The following HAUS6 variants were observed in gnomAD, a reference collection of about 807,000 sequenced individuals.
HAUS6 encodes the protein HAUS augmin-like complex subunit 6.
Under a neutral mutation model 106.8 loss-of-function variants are expected in HAUS6, and 80 were observed. The observed-to-expected ratio is 0.75, with a 90% CI of 0.63 to 0.90. The LOEUF is 0.90. Ranked by LOEUF, HAUS6 falls within the 40% of genes least tolerant of loss-of-function variation. HAUS6 has a pLI of 0.00. For synonymous variants in HAUS6, 356 were observed against 379.1 expected (o/e 0.94, Z 0.71); for missense variants, 1,155 against 1,118.1 (o/e 1.03, Z -0.47).
chr9:19,085,984 T>C (rs1009345300), intron 7 of HAUS6, among the ~76,000 whole-genome samples: 5 of 146,684 alleles, frequency 3.4e-5, no homozygotes, highest in African/African-American at 1.3e-4. Flanking sequence ...ATACAACCTA[T>C]GAGTTTTAAA....
intron 2 of HAUS6, among the ~76,000 whole-genome samples, chr9:19,094,733 G>C (rs1384074365): frequency 6.6e-6 from 1 of 152,100 alleles, no homozygotes; most frequent in Non-Finnish European, 1.5e-5. Context: ...GGAGTCTGCA[G>C]TGAGCCAAGA....
At chr9:19,083,550 C>A (rs1481120916) in intron 7 of HAUS6, among the ~76,000 whole-genome samples, 2 of 152,008 alleles carry the variant, frequency 1.3e-5, no homozygotes, top group Non-Finnish European at 2.9e-5. Flanking sequence ...CGTCTGTAAT[C>A]CCAGCCCTTT....
intron 12 of HAUS6, among the ~76,000 whole-genome samples, chr9:19,068,803 A>G (rs1836822893): frequency 6.6e-6 from 1 of 152,050 alleles, no homozygotes; most frequent in Non-Finnish European, 1.5e-5. Context: ...ATGTTCCCCA[A>G]TCGGATTACA....
At position 19,087,147 on chromosome 9, in the gene HAUS6, A is replaced by C; in HGVS notation, c.594T>G (p.Val198=). 6.7e-7 allele frequency: 1 copy of C among 1,500,312 alleles called. No homozygotes were observed. The highest frequency in any genetic ancestry group is 9.3e-7 in the Non-Finnish European group (1 of 1,076,970). The allele number at this position is 1,500,312 out of a possible 1,614,324, so 92.9% of individuals were successfully genotyped here. ...CAGATCTCAAGTTTCGTACCTGCTT[A>C]ACTGATAATCTGCAAGAAAACATAC... is the stretch of plus-strand genomic sequence containing the variant. ...QKYQENAQLS[V]KQVRNLRSEC... is the part of the protein sequence containing the mutation. The change falls in exon 6 of 17, where the codon GTT becomes GTG. Residue 198 remains valine, a synonymous_variant. Transcript: ENST00000380502.
chr9:19,082,663 T>C (rs1837183117), intron 8 of HAUS6, among the ~76,000 whole-genome samples: 2 of 152,080 alleles, frequency 1.3e-5, no homozygotes, highest in African/African-American at 4.8e-5. Flanking sequence ...GGAGAATCTC[T>C]TGAACCTGGG....
intron 12 of HAUS6, among the ~76,000 whole-genome samples, chr9:19,064,082 C>T (rs1419342503): frequency 1.3e-5 from 2 of 151,926 alleles, no homozygotes; most frequent in African/African-American, 4.8e-5. Flanking sequence ...ATTCTCCTGC[C>T]TCAGCCTCCT....
At chr9:19,089,839 G>T (rs561180478) in intron 4 of HAUS6, among the ~76,000 whole-genome samples, 3 of 152,058 alleles carry the variant, frequency 2.0e-5, no homozygotes, top group South Asian at 2.1e-4. Context: ...TGGTATTTTG[G>T]GTTGTTTTTT....
chr9:19,088,152 C>G (rs1348797774), intron 5 of HAUS6, among the ~76,000 whole-genome samples: 1 of 152,188 alleles, frequency 6.6e-6, no homozygotes, highest in East Asian at 1.9e-4. Context: ...CAGTGGCTCA[C>G]GCCTATAATC....
At chr9:19,100,694 A>G (rs1817969074) in intron 1 of HAUS6, among the ~76,000 whole-genome samples, 1 of 152,236 alleles carries the variant, frequency 6.6e-6, no homozygotes, top group East Asian at 1.9e-4. Flanking sequence ...GAATGGATAA[A>G]GAAAACAGAT....
rs1296690967 is a variant in HAUS6 at position 19,057,946 on chromosome 9, C to G, written c.2806+15G>C. On this transcript the variant is annotated intron_variant, in intron 16 of 16. Transcript: ENST00000380502. ...CTTCAACAGGTGAATATGCATAGGT[C>G]TATTTAAACCTTACCCTTTAAATTA... The G allele has an allele frequency of 1.3e-6, 2 of 1,494,952 alleles. No individual in the cohort carries two copies. 92.6% of individuals were successfully genotyped at this position (1,494,952 alleles called of 1,614,324 possible). A position where few individuals can be genotyped will look rare whatever the true frequency, so the allele number is the denominator to read the frequency against.
At chr9:19,075,600 C>T (rs896322566) in intron 11 of HAUS6, among the ~76,000 whole-genome samples, 4 of 152,042 alleles carry the variant, frequency 2.6e-5, no homozygotes, top group East Asian at 3.9e-4. Flanking sequence ...CAACAGGACT[C>T]ATATTATATG....
Position 19,102,629 on chromosome 9 carries a change from G to A in HAUS6, c.23C>T (p.Ala8Val). The change falls in exon 1 of 17, where the codon GCT becomes GTT. Residue 8 changes from alanine to valine, a missense_variant. Ala to Val is a moderately conservative substitution (Grantham distance 64, BLOSUM62 0). Around this residue, in one of 3 missense-constraint regions of HAUS6, gnomAD observed 761 missense variants for 690.0 expected, o/e 1.10. Coordinates refer to ENST00000380502, the MANE Select transcript of HAUS6 (RefSeq NM_017645.5). ...CATCCAGAGATGCTCCTTCTCGAAAGCGGTGACCGAGGCCGAGCTCATCCT... is the reference window on the plus strand; with the variant it reads ...CATCCAGAGATGCTCCTTCTCGAAAACGGTGACCGAGGCCGAGCTCATCCT... MSSASVTAFEKEHLWMYL... is the reference protein window; with the variant it reads MSSASVTVFEKEHLWMYL... 6.2e-7 allele frequency: 1 copy of A among 1,613,048 alleles called. No homozygotes were observed. Among genetic ancestry groups the A allele is most frequent in the Non-Finnish European group, 8.5e-7 (1 of 1,179,520 alleles).
chr9:19,101,936 T>C (rs1214683061), intron 1 of HAUS6, among the ~76,000 whole-genome samples: 3 of 152,068 alleles, frequency 2.0e-5, no homozygotes, highest in African/African-American at 7.2e-5. Context: ...AGAATTCCTC[T>C]TGGCCTACAG....
At position 19,060,196 on chromosome 9, in the gene HAUS6, G is replaced by C. The variant is rs754470039; in HGVS notation, c.1657C>G (p.Pro553Ala). Reference sequence around the variant, plus strand: ...ATTTCTTTTCCTTCAGAGAGCTGTGGTGAATCAGATAAAACTGCTCTGGCA... The same window carrying C: ...ATTTCTTTTCCTTCAGAGAGCTGTGCTGAATCAGATAAAACTGCTCTGGCA... Reference protein sequence around the residue: ...EVARAVLSDSPQLSEGKEIKL... With the variant: ...EVARAVLSDSAQLSEGKEIKL... Residue 553 changes from proline (P) to alanine (A), a missense_variant, in exon 15 of 17, where the codon CCA (proline) becomes GCA (alanine). By Grantham distance (27) the Pro-to-Ala change is conservative (BLOSUM62 -1). Transcript: ENST00000380502. The C allele has an allele frequency of 6.4e-7, 1 of 1,574,614 alleles. No individual in the cohort carries two copies. The highest frequency in any genetic ancestry group is 1.4e-5 in the African/African-American group (1 of 73,054).
At chr9:19,084,850 T>G (rs1230278059) in intron 7 of HAUS6, among the ~76,000 whole-genome samples, 1 of 152,054 alleles carries the variant, frequency 6.6e-6, no homozygotes, top group East Asian at 1.9e-4. Context: ...CAGGCTGGCC[T>G]CAAACTCCTG....
chr9:19,088,234 G>C (rs901801866), intron 5 of HAUS6, among the ~76,000 whole-genome samples: 1 of 151,876 alleles, frequency 6.6e-6, no homozygotes, highest in East Asian at 1.9e-4. Context: ...GGCCAACATG[G>C]CGAAACCCCT....
At chr9:19,083,333 C>G (rs1837207356) in intron 7 of HAUS6, among the ~76,000 whole-genome samples, 1 of 151,990 alleles carries the variant, frequency 6.6e-6, no homozygotes, top group Non-Finnish European at 1.5e-5. Flanking sequence ...GACTCAAACT[C>G]CTGGGCTCAA....
Position 19,102,811 on chromosome 9 carries a change from C to G in HAUS6, c.-160G>C, listed in dbSNP as rs1818020982. On this transcript the variant is annotated 5_prime_UTR_variant, in exon 1 of 17. Coordinates refer to ENST00000380502, the MANE Select transcript of HAUS6 (RefSeq NM_017645.5). ...CCCAGAGCGATTTCGCCTCAAAGGG[C>G]CTCACAACCTCCGGGAAATTGAGTT... is the stretch of plus-strand genomic sequence containing the variant. 1.6e-6 allele frequency: 1 copy of G among 626,618 alleles called. No individual in the cohort carries two copies. Among genetic ancestry groups the G allele is most frequent in the African/African-American group, 1.9e-5 (1 of 53,070 alleles). The allele number at this position is 626,618 out of a possible 1,614,324, so 38.8% of individuals were successfully genotyped here.
chr9:19,079,953 T>C (rs1214091228), intron 9 of HAUS6, among the ~76,000 whole-genome samples: 1 of 149,250 alleles, frequency 6.7e-6, no homozygotes, highest in African/African-American at 2.5e-5. Flanking sequence ...GGCAGGTGGA[T>C]CATCTGAGGT....
Sources: allele counts gnomAD v4.1 joint callset (sites outside exome capture counted in the v4.1 genomes callset), GRCh38; gene constraint gnomAD v4.1.1; regional missense constraint gnomAD v4.1.1; transcripts MANE v1.5; gene names NCBI Gene and HGNC (gene_info 2026-07-23, HGNC 2026-07-21).